TBXAS1: variants seen among roughly 807,000 people sequenced by gnomAD.
TBXAS1 encodes thromboxane-A synthase.
Under a neutral mutation model 60.7 loss-of-function variants are expected in TBXAS1, and 48 were observed. The ratio of observed to expected loss-of-function variants is 0.79; its 90% CI spans 0.63 to 1.01. The LOEUF is 1.01. Among genes scored for constraint, TBXAS1 ranks in the 50% least tolerant of loss-of-function variants. The pLI is 0.00. For synonymous variants in TBXAS1, 287 were observed against 269.7 expected (o/e 1.06, Z -0.63); for missense variants, 685 against 686.3 (o/e 1.00, Z 0.02).
chr7:140,002,441 G>A (rs1421725014), intron 9 of TBXAS1, among the ~76,000 whole-genome samples: 1 of 152,266 alleles, frequency 6.6e-6, no homozygotes, highest in East Asian at 1.9e-4. Flanking sequence ...CCGGGACGGG[G>A]AGTCCTCATT....
chr7:139,950,669 C>A (rs1263583226), intron 5 of TBXAS1, among the ~76,000 whole-genome samples: 1 of 127,076 alleles, frequency 7.9e-6, no homozygotes, highest in South Asian at 2.4e-4. Context: ...CCCTCACCCT[C>A]CATCTACGGG....
intron 11 of TBXAS1, 96 bp from the exon 12 acceptor site, chr7:140,017,575 C>T: frequency 6.6e-7 from 1 of 1,520,044 alleles, no homozygotes; most frequent in South Asian, 1.2e-5. Flanking sequence ...TGGAGACATC[C>T]TTGTCTCAGA....
intron 9 of TBXAS1, among the ~76,000 whole-genome samples, chr7:139,969,151 C>T (rs1193867147): frequency 6.6e-6 from 1 of 152,198 alleles, no homozygotes; most frequent in Non-Finnish European, 1.5e-5. Flanking sequence ...GTGCAGAACC[C>T]AGTTGTAAAT....
At chr7:139,996,322 G>A (rs1813285358) in intron 9 of TBXAS1, among the ~76,000 whole-genome samples, 1 of 152,156 alleles carries the variant, frequency 6.6e-6, no homozygotes, top group South Asian at 2.1e-4. Flanking sequence ...GATCTGAGAT[G>A]TTTTCCAGGG....
At chr7:139,779,572 T>C (rs1194027586) in intron 1 of TBXAS1, among the ~76,000 whole-genome samples, 1 of 152,210 alleles carries the variant, frequency 6.6e-6, no homozygotes, top group Non-Finnish European at 1.5e-5. Flanking sequence ...GTCTCGTGGC[T>C]CCCACTCTAG....
chr7:140,005,358 G>A (rs1813992109), intron 9 of TBXAS1, among the ~76,000 whole-genome samples: 1 of 150,928 alleles, frequency 6.6e-6, no homozygotes, highest in East Asian at 2.0e-4. Flanking sequence ...GAACCCGGGA[G>A]GTGGAGGATG....
At position 139,975,935 on chromosome 7, in the gene TBXAS1, C is replaced by T. The variant is rs1037279388; in HGVS notation, c.1134+13702C>T. 2.0e-5 allele frequency among the ~76,000 whole-genome samples: 3 copies of T among 152,220 alleles called. No homozygotes were observed. The highest frequency in any genetic ancestry group is 4.4e-5 in the Non-Finnish European group (3 of 68,036). On this transcript the variant is annotated intron_variant, in intron 9 of 12. Coordinates refer to ENST00000448866, the MANE Select transcript of TBXAS1 (RefSeq NM_001061.7). The surrounding 1 kb of genome is among the most constrained non-coding windows in gnomAD (Gnocchi z 4.4). ...AGACGTCACCCAGGGTTGCTTTCTG[C>T]CACAGCAGGCACTCTGCTTCGTGCC...
chr7:139,990,669 C>T (rs1569523242), intron 9 of TBXAS1, among the ~76,000 whole-genome samples: 1 of 152,056 alleles, frequency 6.6e-6, no homozygotes, highest in Non-Finnish European at 1.5e-5. Context: ...GGCTTCTTTG[C>T]TGCCACCCTC....
At chr7:139,823,457 T>C (rs771510410) in intron 4 of TBXAS1, among the ~76,000 whole-genome samples, 1 of 152,120 alleles carries the variant, frequency 6.6e-6, no homozygotes, top group Non-Finnish European at 1.5e-5. Flanking sequence ...AAGGATCATA[T>C]TGAAGAGACT....
rs137946697 is a variant in TBXAS1, at chr7:139,955,542, C to A, written c.623C>A (p.Pro208His). The change falls in exon 7 of 13, where the codon CCC becomes CAC. Residue 208 changes from proline (P) to histidine (H), a missense_variant. By Grantham distance (77) the Pro-to-His change is moderately conservative. Coordinates refer to ENST00000448866, the MANE Select transcript of TBXAS1 (RefSeq NM_001061.7). ...GACTCCTGGCAGGCCCCTGAGGATCCCTTTGTGAAACACTGCAAGCGTTTC... is the reference window on the plus strand; with the variant it reads ...GACTCCTGGCAGGCCCCTGAGGATCACTTTGTGAAACACTGCAAGCGTTTC... The part of the protein sequence containing the change: ...PVDSWQAPED[P>H]FVKHCKRFFE... 9 of 1,614,206 alleles carry A rather than the reference C, an allele frequency of 5.6e-6. No homozygotes were observed. The highest frequency in any genetic ancestry group is 1.1e-5 in the South Asian group (1 of 91,080).
chr7:139,812,057 A>G (rs1407914794), intron 4 of TBXAS1, among the ~76,000 whole-genome samples: 2 of 152,248 alleles, frequency 1.3e-5, no homozygotes, highest in Non-Finnish European at 2.9e-5. Context: ...CATCCATGCC[A>G]TGGAACAGTC....
intron 10 of TBXAS1, among the ~76,000 whole-genome samples, chr7:140,011,549 A>C (rs959798054): frequency 3.9e-5 from 6 of 152,242 alleles, no homozygotes; most frequent in Admixed American, 2.0e-4. Context: ...CTGGGAGAAG[A>C]AGCTATCGGT....
At chr7:139,992,781 A>C (rs764880650) in intron 9 of TBXAS1, among the ~76,000 whole-genome samples, 1 of 152,248 alleles carries the variant, frequency 6.6e-6, no homozygotes, top group Non-Finnish European at 1.5e-5. Flanking sequence ...TAGTTTCACG[A>C]GAAGCCATGT....
At chr7:140,005,764 T>C (rs1814031242) in intron 9 of TBXAS1, among the ~76,000 whole-genome samples, 1 of 152,216 alleles carries the variant, frequency 6.6e-6, no homozygotes, top group Admixed American at 6.5e-5. Context: ...CTTATAGGCA[T>C]CATTAAACAG....
chr7:139,869,085 C>T (rs1280705966), intron 1 of TBXAS1, among the ~76,000 whole-genome samples: 2 of 152,130 alleles, frequency 1.3e-5, no homozygotes, highest in African/African-American at 4.8e-5. Context: ...AGGCATGAGC[C>T]ACCACACCCA....
chr7:139,882,730 T>C (rs1802789807), intron 3 of TBXAS1, among the ~76,000 whole-genome samples: 1 of 152,176 alleles, frequency 6.6e-6, no homozygotes, highest in Admixed American at 6.5e-5. Context: ...CTGTGGGCAA[T>C]ATTTGGGTCC....
chr7:139,957,481 C>T (rs1809956517), intron 7 of TBXAS1, 153 bp from the exon 8 acceptor site: 1 of 918,948 alleles, frequency 1.1e-6, no homozygotes, highest in South Asian at 1.4e-5. Context: ...GAGACATCAC[C>T]CCTGCTCTCA....
At chr7:139,811,049 G>T (rs1033570983) in intron 4 of TBXAS1, among the ~76,000 whole-genome samples, 1 of 152,168 alleles carries the variant, frequency 6.6e-6, no homozygotes, top group Non-Finnish European at 1.5e-5. Flanking sequence ...ACATCAGACT[G>T]AAAAGCAAAA....
chr7:140,005,519 T>C (rs1231078630), intron 9 of TBXAS1, among the ~76,000 whole-genome samples: 1 of 152,174 alleles, frequency 6.6e-6, no homozygotes, highest in East Asian at 1.9e-4. Flanking sequence ...CCCTTTTCAT[T>C]GGTCACTTGC....
Sources: allele counts gnomAD v4.1 joint callset (sites outside exome capture counted in the v4.1 genomes callset), GRCh38; gene constraint gnomAD v4.1.1; non-coding constraint Gnocchi (gnomAD v3.1); transcripts MANE v1.5; gene names NCBI Gene and HGNC (gene_info 2026-07-23, HGNC 2026-07-21).